The following KCNMA1 variants were observed in gnomAD, a reference collection of about 807,000 sequenced individuals.
KCNMA1 encodes Calcium-activated potassium channel subunit alpha-1.
Under a neutral mutation model 140.0 loss-of-function variants are expected in KCNMA1, and 29 were observed. That is an observed-to-expected ratio of 0.21 (90% confidence interval 0.15 to 0.28). The LOEUF (loss-of-function observed/expected upper bound fraction) is 0.28, where lower values mean the gene tolerates loss of function less well. KCNMA1 is among the 10% of genes least tolerant of loss of function. The pLI is 1.00. For synonymous variants in KCNMA1, 612 were observed against 611.9 expected (o/e 1.00, Z 0.00); for missense variants, 880 against 1,602.2 (o/e 0.55, Z 7.70).
At chr10:76,985,104 C>T (rs1231966166) in intron 19 of KCNMA1, among the ~76,000 whole-genome samples, 3 of 152,144 alleles carry the variant, frequency 2.0e-5, no homozygotes, top group Admixed American at 6.5e-5. Context: ...TGCTGTTATA[C>T]GTAAGAATTG....
At chr10:77,487,080 A>G (rs2098469715) in intron 1 of KCNMA1, among the ~76,000 whole-genome samples, 1 of 152,196 alleles carries the variant, frequency 6.6e-6, no homozygotes, top group South Asian at 2.1e-4. Flanking sequence ...AGCGATGTTG[A>G]TGGTAGGAAC....
At chr10:77,279,776 T>A (rs1048088113) in intron 2 of KCNMA1, among the ~76,000 whole-genome samples, 5 of 152,132 alleles carry the variant, frequency 3.3e-5, no homozygotes, top group Admixed American at 1.3e-4. Context: ...GTTCTCATGA[T>A]AAGGAATAAG....
At chr10:77,092,965 G>A (rs1212220785) in intron 9 of KCNMA1, among the ~76,000 whole-genome samples, 1 of 152,168 alleles carries the variant, frequency 6.6e-6, no homozygotes, top group Non-Finnish European at 1.5e-5. Context: ...CTTAGAAAAA[G>A]TCAGGGTTCT....
chr10:77,349,976 G>A (rs545741745), intron 2 of KCNMA1, among the ~76,000 whole-genome samples: 25 of 151,750 alleles, frequency 1.6e-4, no homozygotes, highest in Admixed American at 3.3e-4. Flanking sequence ...TTGGCTCACC[G>A]CAACCTCTGC....
chr10:77,035,641 A>G (rs969217037), intron 15 of KCNMA1, among the ~76,000 whole-genome samples: 9 of 152,264 alleles, frequency 5.9e-5, no homozygotes, highest in African/African-American at 2.2e-4. Flanking sequence ...AATTCATTAA[A>G]TATCTGATTA....
chr10:77,025,273 TATATATATAC>T (rs1565613770), intron 16 of KCNMA1, among the ~76,000 whole-genome samples: 10 of 123,664 alleles, frequency 8.1e-5, no homozygotes, highest in Non-Finnish European at 1.7e-4. Context: ...TATATATATA[TATATATATAC>T]ACACACACAT....
rs1227472631 is a variant in KCNMA1, at chr10:76,941,051, A to AAGAAAGAAAGAAAG, written c.2902+3721_2902+3722insCTTTCTTTCTTTCT. Reference sequence around the variant, plus strand: ...AAAGAAAGAAAGAAAGAAAGAAAGAAAGAGAAAGAAAGAAAGAAAAAGAAA... The same window carrying AAGAAAGAAAGAAAG: ...AAAGAAAGAAAGAAAGAAAGAAAGAAAGAAAGAAAGAAAGAGAGAAAGAAAGAAAGAAAAAGAAA... On this transcript the variant is annotated intron_variant, in intron 23 of 27. Coordinates refer to ENST00000286628, the MANE Select transcript of KCNMA1 (RefSeq NM_001161352.2). Among the ~76,000 whole-genome samples, 11 of 62,944 alleles carry AAGAAAGAAAGAAAG rather than the reference A, an allele frequency of 1.7e-4. No individual in the cohort carries two copies. In the East Asian group the frequency reaches 6.3e-3, roughly 36 times the overall value. The allele number at this position is 62,944 out of a possible 152,430, so 41.3% of individuals were successfully genotyped here.
chr10:77,508,576 C>CTTT (rs2047061603), intron 1 of KCNMA1, among the ~76,000 whole-genome samples: 5 of 91,046 alleles, frequency 5.5e-5, no homozygotes, highest in African/African-American at 1.9e-4. Flanking sequence ...TTTTTTTTTT[C>CTTT]TTTTCTTTTT....
chr10:77,022,653 C>CTTAG (rs1244980525), intron 16 of KCNMA1, among the ~76,000 whole-genome samples: 1 of 152,204 alleles, frequency 6.6e-6, no homozygotes, highest in African/African-American at 2.4e-5. Context: ...GAGTAGCAGG[C>CTTAG]TTAGAGCCTT....
intron 5 of KCNMA1, among the ~76,000 whole-genome samples, chr10:77,178,954 C>T (rs186271847): frequency 2.6e-5 from 4 of 152,286 alleles, no homozygotes; most frequent in South Asian, 2.1e-4. Flanking sequence ...AAATAAGCAG[C>T]GTCTTGCTGC....
chr10:77,260,023 A>G (rs1294980153), intron 2 of KCNMA1, among the ~76,000 whole-genome samples: 1 of 152,222 alleles, frequency 6.6e-6, no homozygotes, highest in Admixed American at 6.5e-5. Flanking sequence ...TGGGAGAAAC[A>G]TGGATTACCC....
intron 4 of KCNMA1, 36 bp from the exon 5 acceptor site, chr10:77,183,568 T>G: frequency 2.1e-6 from 3 of 1,418,510 alleles, no homozygotes; most frequent in East Asian, 2.3e-5. Context: ...AGAAAAAACA[T>G]GAGAAGCATG....
chr10:77,636,363 G>C, intron 1 of KCNMA1: 1 of 1,532,720 alleles, frequency 6.5e-7, no homozygotes, highest in Non-Finnish European at 8.7e-7. Flanking sequence ...CCTCAGTGCC[G>C]GTGGGCGTCT....
intron 5 of KCNMA1, among the ~76,000 whole-genome samples, chr10:77,133,743 T>C (rs1326411084): frequency 6.6e-6 from 1 of 152,156 alleles, no homozygotes; most frequent in African/African-American, 2.4e-5. Context: ...TATCTATATG[T>C]ATCTGAATGG....
intron 14 of KCNMA1, among the ~76,000 whole-genome samples, chr10:77,040,819 C>G (rs573072789): frequency 2.6e-5 from 4 of 152,270 alleles, no homozygotes; most frequent in African/African-American, 9.6e-5. Flanking sequence ...TGTCTTGCTC[C>G]AAATTTCAAA....
At chr10:77,039,716 G>T in intron 14 of KCNMA1, 79 bp from the exon 15 acceptor site, 1 of 848,684 alleles carries the variant, frequency 1.2e-6, no homozygotes, top group Non-Finnish European at 2.0e-6. Flanking sequence ...ACACTCTTAG[G>T]CAAACAAATG....
At chr10:77,104,341 T>C (rs997270118) in intron 9 of KCNMA1, among the ~76,000 whole-genome samples, 5 of 152,162 alleles carry the variant, frequency 3.3e-5, no homozygotes, top group Non-Finnish European at 7.4e-5. Flanking sequence ...CTTTCTTGAA[T>C]TGGAGCAAGA....
intron 23 of KCNMA1, among the ~76,000 whole-genome samples, chr10:76,929,435 G>A (rs1268945835): frequency 6.6e-6 from 1 of 152,168 alleles, no homozygotes. Context: ...CTAGCTCCCT[G>A]CTGGGAACCA....
intron 19 of KCNMA1, among the ~76,000 whole-genome samples, chr10:76,993,886 C>A (rs566437692): frequency 9.2e-4 from 140 of 152,362 alleles, no homozygotes; most frequent in Non-Finnish European, 1.2e-3. Flanking sequence ...TAAACTCTAG[C>A]CAAATTGGGT....
Sources: allele counts gnomAD v4.1 joint callset (sites outside exome capture counted in the v4.1 genomes callset), GRCh38; gene constraint gnomAD v4.1.1; transcripts MANE v1.5; gene names NCBI Gene and HGNC (gene_info 2026-07-23, HGNC 2026-07-21).